Variants in ITGAL observed in about 807,000 individuals in gnomAD.
The protein encoded by ITGAL is integrin alpha-L.
ITGAL carries 68 observed loss-of-function variants against 138.4 expected under a neutral mutation model. The observed-to-expected ratio is 0.49, with a 90% CI of 0.40 to 0.60. ITGAL has a LOEUF of 0.60. Ranked by LOEUF, ITGAL falls within the 20% of genes least tolerant of loss-of-function variation. The pLI is 0.00. For synonymous variants in ITGAL, 561 were observed against 584.3 expected (o/e 0.96, Z 0.57); for missense variants, 1,256 against 1,478.6 (o/e 0.85, Z 2.47).
chr16:30,492,964 G>A (rs1178581097), intron 11 of ITGAL, among the ~76,000 whole-genome samples: 4 of 151,932 alleles, frequency 2.6e-5, no homozygotes, highest in Admixed American at 2.6e-4. Flanking sequence ...GTTCAAGGCA[G>A]CCTTGAACTC....
chr16:30,483,498 G>A (rs1243700983), intron 7 of ITGAL, among the ~76,000 whole-genome samples: 2 of 152,166 alleles, frequency 1.3e-5, no homozygotes, highest in Admixed American at 6.6e-5. Flanking sequence ...ATCAATATCT[G>A]TAGCTGATTA....
intron 17 of ITGAL, among the ~76,000 whole-genome samples, chr16:30,501,715 G>A (rs1348022972): frequency 5.9e-5 from 9 of 151,776 alleles, no homozygotes; most frequent in African/African-American, 2.2e-4. Flanking sequence ...TAAGTCTCAT[G>A]TATGGTACAT....
chr16:30,494,224 C>G lies in ITGAL; in HGVS notation c.1226C>G (p.Thr409Ser). The G allele has an allele frequency of 6.2e-7, 1 of 1,608,482 alleles. No homozygotes were observed. Residue 409 changes from threonine (T) to serine (S), a missense_variant, in exon 12 of 31, where the codon ACC becomes AGC. Physicochemically the swap from Thr to Ser is moderately conservative, Grantham distance 58. Around this residue, in one of 3 missense-constraint regions of ITGAL, gnomAD observed 867 missense variants for 972.5 expected, o/e 0.89. Transcript: ENST00000356798. The surrounding 1 kb of genome is among the most constrained non-coding windows in gnomAD (Gnocchi z 4.2). The stretch of plus-strand genomic sequence containing the variant: ...ACACTTTCCTCAGGTTACACCGTGA[C>G]CTGGCTGCCCTCCCGGCAAAAGACT... ...VRAGYLGYTV[T>S]WLPSRQKTSL...
chr16:30,509,903 G>A (rs1232355962), intron 21 of ITGAL, among the ~76,000 whole-genome samples: 1 of 152,000 alleles, frequency 6.6e-6, no homozygotes, highest in Non-Finnish European at 1.5e-5. Context: ...GCTGGACATG[G>A]TGGCACATCC....
rs1339116997 is a variant in ITGAL at position 30,521,902 on chromosome 16, G to T, written c.*237G>T. 1 of 481,462 alleles carries T rather than the reference G, an allele frequency of 2.1e-6. No homozygotes were observed. The highest frequency in any genetic ancestry group is 3.6e-5 in the Admixed American group (1 of 27,472). 29.8% of individuals were successfully genotyped at this position (481,462 alleles called of 1,614,324 possible). On this transcript the variant is annotated 3_prime_UTR_variant, in exon 31 of 31. Transcript: ENST00000356798. ...CAAAAGTGAGGGCTTGTCATTACCA[G>T]ACGGTTCACCAGCCTCTCTTGGTTT...
At position 30,494,718 on chromosome 16, in the gene ITGAL, C is replaced by T; in HGVS notation, c.1371C>T (p.Gly457=). 1 of 1,608,306 alleles carries T rather than the reference C, an allele frequency of 6.2e-7. No individual in the cohort carries two copies. Among genetic ancestry groups the T allele is most frequent in the Non-Finnish European group, 8.5e-7 (1 of 1,177,336 alleles). The change falls in exon 13 of 31, where the codon GGC becomes GGT. Residue 457 remains glycine, a synonymous_variant. Transcript: ENST00000356798. This position sits in a 1 kb window ranked among gnomAD's most constrained non-coding sequence, Gnocchi z 4.2. The part of the protein sequence containing the change: ...QVQTIHGTQI[G]SYFGGELCGV... ...ACACCTGCCTCTCCCCACAGATTGG[C>T]TCTTATTTCGGTGGGGAGCTGTGTG...
chr16:30,521,482 C>G lies in ITGAL; in HGVS notation c.3340-10C>G. On this transcript the variant is annotated splice_polypyrimidine_tract_variant and intron_variant, in intron 30 of 30. Transcript: ENST00000356798. ...AATTCTTTGCTCGTTCAAATTTTGT[C>G]TTTGTACAGGTTGGTTTCTTCAAAC... is the stretch of plus-strand genomic sequence containing the variant. The G allele has an allele frequency of 6.2e-7, 1 of 1,611,046 alleles. No individual in the cohort carries two copies. Among genetic ancestry groups the G allele is most frequent in the Non-Finnish European group, 8.5e-7 (1 of 1,178,422 alleles).
In ITGAL at chr16:30,494,329, A is replaced by G; in HGVS notation, c.1331A>G (p.His444Arg). Residue 444 changes from histidine (H) to arginine (R), a missense_variant, in exon 12 of 31, where the codon CAC becomes CGC. By Grantham distance (29) the His-to-Arg change is conservative. Transcript: ENST00000356798. The surrounding 1 kb of genome is among the most constrained non-coding windows in gnomAD (Gnocchi z 4.2). The stretch of plus-strand genomic sequence containing the variant: ...TTCCAAGAGCCACAGGGCGGAGGAC[A>G]CTGGAGCCAGGTCCAGACAATCCAT... ...LLFQEPQGGG[H>R]WSQVQTIHGT... is the part of the protein sequence containing the mutation. 6.2e-7 allele frequency: 1 copy of G among 1,612,348 alleles called. No individual in the cohort carries two copies. Among genetic ancestry groups the G allele is most frequent in the South Asian group, 1.1e-5 (1 of 90,984 alleles).
In ITGAL at chr16:30,475,596, AGTG is replaced by A; in HGVS notation, c.327+20_327+22del. ...AAGCATTTTGGTAAGAATTTTGTGCAGTGGTGTTATCAGAGCCTGTGAAGCTCA... is the reference window on the plus strand; with the variant it reads ...AAGCATTTTGGTAAGAATTTTGTGCAGTGTTATCAGAGCCTGTGAAGCTCA... On this transcript the variant is annotated intron_variant, in intron 4 of 30. Transcript: ENST00000356798. 1 of 1,596,580 alleles carries A rather than the reference AGTG, an allele frequency of 6.3e-7. No individual in the cohort carries two copies. The highest frequency in any genetic ancestry group is 8.6e-7 in the Non-Finnish European group (1 of 1,163,948).
At chr16:30,515,375 T>C (rs1414334884) in intron 25 of ITGAL, among the ~76,000 whole-genome samples, 1 of 152,054 alleles carries the variant, frequency 6.6e-6, no homozygotes, top group African/African-American at 2.4e-5. Context: ...GCTCCCAACA[T>C]GGGCCATGAC....
chr16:30,479,124 C>A lies in ITGAL; in HGVS notation c.361C>A (p.Gln121Lys). The A allele has an allele frequency of 6.2e-7, 1 of 1,614,084 alleles. No individual in the cohort carries two copies. Among genetic ancestry groups the A allele is most frequent in the African/African-American group, 1.3e-5 (1 of 75,036 alleles). Reference sequence around the variant, plus strand: ...CCCTGGGCTGTCTCGAACGTGTGACCAGAACACCTATCTGAGTGGCCTGTG... The same window carrying A: ...CCCTGGGCTGTCTCGAACGTGTGACAAGAACACCTATCTGAGTGGCCTGTG... ...CDPGLSRTCD[Q>K]NTYLSGLCYL... Residue 121 changes from glutamine (Q) to lysine (K), a missense_variant, in exon 5 of 31, where the codon CAG (glutamine) becomes AAG (lysine). Around this residue, in one of 3 missense-constraint regions of ITGAL, gnomAD observed 212 missense variants for 217.4 expected, o/e 0.98. Coordinates refer to ENST00000356798, the MANE Select transcript of ITGAL (RefSeq NM_002209.3).
chr16:30,520,507 G>A (rs753086385), intron 30 of ITGAL, among the ~76,000 whole-genome samples: 6 of 152,218 alleles, frequency 3.9e-5, no homozygotes, highest in East Asian at 1.9e-4. Context: ...AGGACGAGGC[G>A]TCCTGGGAGA....
chr16:30,489,256 C>A lies in ITGAL; in HGVS notation c.1083C>A (p.Gly361=), dbSNP rs774902861. The A allele has an allele frequency of 1.2e-6, 2 of 1,613,934 alleles. No individual in the cohort carries two copies. Among genetic ancestry groups the A allele is most frequent in the Non-Finnish European group, 1.7e-6 (2 of 1,179,830 alleles). ...CGCTCATCTCCTTCCCTGGGCAGGGCCATGCAGTCGTGGGGGCAGTAGGAG... is the reference window on the plus strand; with the variant it reads ...CGCTCATCTCCTTCCCTGGGCAGGGACATGCAGTCGTGGGGGCAGTAGGAG... ...SSGISADLSR[G]HAVVGAVGAK... is the part of the protein sequence containing the mutation. Residue 361 remains glycine (G), a splice_region_variant and synonymous_variant, in exon 11 of 31, where the codon GGC becomes GGA. Coordinates refer to ENST00000356798, the MANE Select transcript of ITGAL (RefSeq NM_002209.3).
At chr16:30,513,140 C>T (rs181334995) in intron 24 of ITGAL, among the ~76,000 whole-genome samples, 2 of 152,174 alleles carry the variant, frequency 1.3e-5, no homozygotes, top group Admixed American at 1.3e-4. Flanking sequence ...GAGGATGAGG[C>T]CATTAGGGGA....
intron 25 of ITGAL, among the ~76,000 whole-genome samples, chr16:30,516,375 T>C (rs1049957431): frequency 6.6e-6 from 1 of 151,934 alleles, no homozygotes; most frequent in Non-Finnish European, 1.5e-5. Flanking sequence ...CACTGTAGGA[T>C]TGTGCCACCA....
chr16:30,502,396 C>CAAAAA (rs57501055), intron 17 of ITGAL, among the ~76,000 whole-genome samples: 7 of 80,102 alleles, frequency 8.7e-5, no homozygotes, highest in African/African-American at 1.8e-4. Flanking sequence ...GACTCCATCT[C>CAAAAA]AAAAAAAAAA....
chr16:30,511,378 C>T (rs910594443), intron 24 of ITGAL, among the ~76,000 whole-genome samples: 1 of 152,190 alleles, frequency 6.6e-6, no homozygotes, highest in Non-Finnish European at 1.5e-5. Flanking sequence ...TCATTGAACA[C>T]TAATTTTATG....
chr16:30,492,463 G>A (rs1238922187), intron 11 of ITGAL, among the ~76,000 whole-genome samples: 2 of 148,650 alleles, frequency 1.3e-5, no homozygotes, highest in African/African-American at 5.0e-5. Context: ...TGTTGACCAG[G>A]CTGGTCTCAA....
chr16:30,493,253 T>TTTATTTTATTTTATC (rs2050749898), intron 11 of ITGAL, among the ~76,000 whole-genome samples: 1 of 141,744 alleles, frequency 7.1e-6, no homozygotes. Context: ...ACCATTTTAT[T>TTTATTTTATTTTATC]TTATTTTATT....
Sources: gnomAD v4.1 joint callset for allele counts (sites outside exome capture counted in the v4.1 genomes callset) on GRCh38, gnomAD v4.1.1 for gene constraint, gnomAD v4.1.1 regional missense constraint, Gnocchi (gnomAD v3.1) non-coding constraint, MANE v1.5 for transcripts, NCBI Gene and HGNC (gene_info 2026-07-23, HGNC 2026-07-21) for gene names.